Variants in ARID4B observed in about 807,000 individuals in gnomAD.
The protein encoded by ARID4B is AT-rich interactive domain-containing protein 4B.
In ARID4B, 26 loss-of-function variants were observed where a neutral mutation model predicts 147.5. That is an observed-to-expected ratio of 0.18 (90% confidence interval 0.13 to 0.24). The LOEUF is 0.24. Ranked by LOEUF, ARID4B falls within the 10% of genes least tolerant of loss-of-function variation. The probability of loss-of-function intolerance (pLI) is 1.00; values close to 1 mark genes in which losing one functional copy is unlikely to be tolerated. For missense variants in ARID4B, 1,179 were observed against 1,511.5 expected (o/e 0.78, Z 3.65); for synonymous variants, 512 against 507.9 (o/e 1.01, Z -0.11).
chr1:235,324,048 G>GGT (rs1675042799), intron 2 of ARID4B, among the ~76,000 whole-genome samples: 1 of 151,856 alleles, frequency 6.6e-6, no homozygotes, highest in East Asian at 1.9e-4. Flanking sequence ...TGGGATTACA[G>GGT]GTGTGTGCCA....
chr1:235,291,999 T>C (rs11579726), intron 2 of ARID4B, among the ~76,000 whole-genome samples: 19,980 of 152,214 alleles, frequency 0.13, 1,519 homozygotes, highest in African/African-American at 0.2. Flanking sequence ...AAAGGTAGGA[T>C]GAAAGGGTTT....
intron 8 of ARID4B, among the ~76,000 whole-genome samples, chr1:235,236,255 A>G (rs1023218662): frequency 3.9e-5 from 6 of 152,166 alleles, no homozygotes; most frequent in Admixed American, 6.5e-5. Flanking sequence ...TCACCGTCCA[A>G]TGGATCTCAA....
At chr1:235,310,831 T>C (rs973629183) in intron 2 of ARID4B, among the ~76,000 whole-genome samples, 2 of 152,124 alleles carry the variant, frequency 1.3e-5, no homozygotes, top group Non-Finnish European at 1.5e-5. Context: ...CCACCACTCC[T>C]GGCTATTTTA....
At chr1:235,223,460 C>T (rs1667632860) in intron 12 of ARID4B, among the ~76,000 whole-genome samples, 200 bp from the exon 13 acceptor site, 1 of 136,954 alleles carries the variant, frequency 7.3e-6, no homozygotes, top group South Asian at 2.2e-4. Flanking sequence ...TAATCAAAGA[C>T]ATGGTATCTA....
intron 1 of ARID4B, chr1:235,327,246 A>C: frequency 4.1e-6 from 1 of 243,392 alleles, no homozygotes; most frequent in Non-Finnish European, 8.1e-6. Context: ...CAGAGAAGAA[A>C]CTCACAACAA....
chr1:235,194,734 G>A (rs1056865913), intron 18 of ARID4B, among the ~76,000 whole-genome samples: 10 of 152,062 alleles, frequency 6.6e-5, no homozygotes, highest in Admixed American at 2.0e-4. Context: ...CAGGAGAATC[G>A]CTTGAACCTG....
intron 2 of ARID4B, among the ~76,000 whole-genome samples, chr1:235,289,468 A>G (rs1158649907): frequency 2.0e-5 from 3 of 152,178 alleles, no homozygotes; most frequent in African/African-American, 7.2e-5. Context: ...GTTCACTCCT[A>G]TAGTCCCAAC....
chr1:235,327,713 C>G (rs1399003411), intron 1 of ARID4B, 56 bp downstream of exon 1: 2 of 152,408 alleles, frequency 1.3e-5, no homozygotes, highest in Non-Finnish European at 2.9e-5. Flanking sequence ...CCGGGCCCAG[C>G]GACTCCCAAA....
At chr1:235,266,172 C>A (rs532045682) in intron 2 of ARID4B, among the ~76,000 whole-genome samples, 1 of 152,130 alleles carries the variant, frequency 6.6e-6, no homozygotes, top group Non-Finnish European at 1.5e-5. Flanking sequence ...TGTATCACGA[C>A]CCCTTAGTGT....
chr1:235,262,072 C>T (rs1479235690), intron 2 of ARID4B, among the ~76,000 whole-genome samples: 1 of 152,120 alleles, frequency 6.6e-6, no homozygotes, highest in African/African-American at 2.4e-5. Context: ...AGAACCCTTT[C>T]TTTTCTATTG....
intron 17 of ARID4B, among the ~76,000 whole-genome samples, chr1:235,211,737 T>C (rs1666732842): frequency 6.6e-6 from 1 of 152,184 alleles, no homozygotes; most frequent in Non-Finnish European, 1.5e-5. Flanking sequence ...ACCCAGCTTT[T>C]TTCTTCCTAA....
intron 19 of ARID4B, 67 bp from the exon 20 acceptor site, chr1:235,182,860 G>A: frequency 6.8e-7 from 1 of 1,474,464 alleles, no homozygotes; most frequent in Non-Finnish European, 9.0e-7. Context: ...CTATGTGCCA[G>A]GGACTGTATA....
At chr1:235,262,132 G>A (rs188789178) in intron 2 of ARID4B, among the ~76,000 whole-genome samples, 66 of 151,068 alleles carry the variant, frequency 4.4e-4, no homozygotes, top group East Asian at 3.9e-4. Context: ...AGTGAGAAAT[G>A]CTGTTACGAG....
chr1:235,269,837 T>C (rs1037909254), intron 2 of ARID4B, among the ~76,000 whole-genome samples: 1 of 152,212 alleles, frequency 6.6e-6, no homozygotes, highest in Non-Finnish European at 1.5e-5. Flanking sequence ...TAAATTATTT[T>C]GTAAAGTAAT....
intron 2 of ARID4B, among the ~76,000 whole-genome samples, chr1:235,303,238 T>C (rs749714710): frequency 6.6e-5 from 10 of 152,184 alleles, no homozygotes; most frequent in South Asian, 2.1e-4. Flanking sequence ...GTTTATATTC[T>C]TAACCAATGA....
In ARID4B at chr1:235,176,437, C is replaced by CAAAA. The variant is rs34808765; in HGVS notation, c.3449-1042_3449-1039dup. On this transcript the variant is annotated intron_variant, in intron 21 of 23. Coordinates refer to ENST00000264183, the MANE Select transcript of ARID4B (RefSeq NM_016374.6). The stretch of plus-strand genomic sequence containing the variant: ...CTGATTTTTCACTTAACAACATCAC[C>CAAAA]AAAAAAAAAAAAAAAAAAAAAAAAA... 5.1e-3 allele frequency among the ~76,000 whole-genome samples: 114 copies of CAAAA among 22,532 alleles called. 13 individuals are homozygous for CAAAA. The highest frequency in any genetic ancestry group is 5.6e-3 in the Non-Finnish European group (49 of 8,794). 14.8% of individuals were successfully genotyped at this position (22,532 alleles called of 152,430 possible).
chr1:235,199,344 T>C (rs1665719622), intron 17 of ARID4B, among the ~76,000 whole-genome samples: 1 of 152,214 alleles, frequency 6.6e-6, no homozygotes, highest in Non-Finnish European at 1.5e-5. Flanking sequence ...GGCCCTTGTT[T>C]TGACACTAAG....
chr1:235,173,287 T>C (rs923110035), intron 22 of ARID4B, among the ~76,000 whole-genome samples: 52 of 152,188 alleles, frequency 3.4e-4, no homozygotes, highest in African/African-American at 1.2e-3. Flanking sequence ...GAGGTTGGAG[T>C]GAGCCGAGAT....
chr1:235,287,606 A>C (rs1189758852), intron 2 of ARID4B, among the ~76,000 whole-genome samples: 1 of 152,220 alleles, frequency 6.6e-6, no homozygotes, highest in African/African-American at 2.4e-5. Flanking sequence ...GCAAATTAGT[A>C]AACTATTTCT....
Sources: gnomAD v4.1 joint callset for allele counts (sites outside exome capture counted in the v4.1 genomes callset) on GRCh38, gnomAD v4.1.1 for gene constraint, MANE v1.5 for transcripts, NCBI Gene and HGNC (gene_info 2026-07-23, HGNC 2026-07-21) for gene names.